Variants in RBM33 observed in about 807,000 individuals in gnomAD.
RBM33 encodes the protein RNA binding motif protein 33.
A neutral mutation model predicts 132.6 loss-of-function variants in RBM33; 28 were observed. The ratio of observed to expected loss-of-function variants is 0.21; its 90% CI spans 0.16 to 0.29. RBM33 has a LOEUF of 0.29. Ranked by LOEUF, RBM33 falls within the 10% of genes least tolerant of loss-of-function variation. The pLI is 1.00. For synonymous variants in RBM33, 634 were observed against 593.0 expected (o/e 1.07, Z -1.01); for missense variants, 1,291 against 1,518.5 (o/e 0.85, Z 2.49).
chr7:155,752,204 C>T (rs1801706773), intron 14 of RBM33, among the ~76,000 whole-genome samples: 1 of 152,194 alleles, frequency 6.6e-6, no homozygotes, highest in South Asian at 2.1e-4. Flanking sequence ...TGGAATTGGT[C>T]CTGCTTCTTG....
chr7:155,715,143 A>C (rs991982592), intron 8 of RBM33, among the ~76,000 whole-genome samples: 9 of 152,082 alleles, frequency 5.9e-5, no homozygotes, highest in African/African-American at 2.2e-4. Flanking sequence ...TGTGGTGCCT[A>C]CGTCTCCTGC....
At position 155,774,134 on chromosome 7, in the gene RBM33, A is replaced by G. The variant is rs1051431919; in HGVS notation, c.3376-425A>G. ...GCCTACTGTGGGCTGTGGGGCCCCC[A>G]TACTAAACAGTTTCCTCTGGTGTGA... On this transcript the variant is annotated intron_variant, in intron 16 of 17. Transcript: ENST00000401878. The surrounding 1 kb of genome is among the most constrained non-coding windows in gnomAD (Gnocchi z 4.2). Among the ~76,000 whole-genome samples, 12 of 152,228 alleles carry G rather than the reference A, an allele frequency of 7.9e-5. No individual in the cohort carries two copies. The highest frequency in any genetic ancestry group is 1.6e-4 in the Non-Finnish European group (11 of 68,030).
chr7:155,724,017 A>G (rs1008071079), intron 9 of RBM33, among the ~76,000 whole-genome samples: 1 of 152,214 alleles, frequency 6.6e-6, no homozygotes, highest in Non-Finnish European at 1.5e-5. Flanking sequence ...TAGTTTGCCC[A>G]TCTGCAACTG....
chr7:155,684,142 G>T (rs11769822), intron 5 of RBM33, among the ~76,000 whole-genome samples: 97,916 of 151,936 alleles, frequency 0.64, 32,456 homozygotes, highest in South Asian at 0.77. Context: ...CTTTATTTGG[G>T]GGTTCTAGAT....
Position 155,673,818 on chromosome 7 carries a change from C to T in RBM33, c.171+903C>T, listed in dbSNP as rs532271699. Among the ~76,000 whole-genome samples the T allele has an allele frequency of 6.9e-4, 101 of 147,308 alleles. 1 individual carries two copies. The highest frequency in any genetic ancestry group is 3.6e-3 in the Middle Eastern group (1 of 276). On this transcript the variant is annotated intron_variant, in intron 3 of 17. Coordinates refer to ENST00000401878, the MANE Select transcript of RBM33 (RefSeq NM_053043.3). ...CACACACACCCCTACCAGTATATTT[C>T]GGACATTATAAAACACATAAAAGTA...
At chr7:155,689,429 G>A (rs1799570106) in intron 5 of RBM33, among the ~76,000 whole-genome samples, 1 of 152,026 alleles carries the variant, frequency 6.6e-6, no homozygotes, top group Non-Finnish European at 1.5e-5. Flanking sequence ...ACCAGCTCCT[G>A]GATTCATTGA....
chr7:155,655,706 A>C (rs1798475200), intron 1 of RBM33, among the ~76,000 whole-genome samples: 1 of 151,948 alleles, frequency 6.6e-6, no homozygotes, highest in Non-Finnish European at 1.5e-5. Context: ...ACAAGTAGGG[A>C]GCATATGCAT....
chr7:155,768,754 C>T (rs1802307995), intron 16 of RBM33, among the ~76,000 whole-genome samples: 1 of 152,186 alleles, frequency 6.6e-6, no homozygotes, highest in Non-Finnish European at 1.5e-5. Context: ...GTAGCTGGGA[C>T]TACAGACGCG....
chr7:155,739,694 C>A, intron 11 of RBM33, 21 bp from the exon 12 acceptor site: 1 of 1,530,964 alleles, frequency 6.5e-7, no homozygotes, highest in Non-Finnish European at 8.8e-7. Context: ...ACTGTTGTTT[C>A]TCTTTCTTTG....
intron 5 of RBM33, among the ~76,000 whole-genome samples, chr7:155,687,617 A>G (rs914610617): frequency 5.3e-5 from 8 of 152,132 alleles, no homozygotes; most frequent in African/African-American, 2.4e-5. Context: ...TAGGTCTAAC[A>G]TGTAAGTCTT....
intron 14 of RBM33, among the ~76,000 whole-genome samples, chr7:155,749,259 T>A (rs1317960489): frequency 6.6e-6 from 1 of 152,222 alleles, no homozygotes; most frequent in African/African-American, 2.4e-5. Flanking sequence ...AGGCCCCTTT[T>A]AGAAATAAAT....
intron 14 of RBM33, chr7:155,746,356 T>C (rs1233767098): frequency 6.6e-6 from 1 of 152,006 alleles, no homozygotes; most frequent in African/African-American, 2.4e-5. Context: ...TTTTCTGTTT[T>C]CAGTTTGCCC....
In RBM33 at chr7:155,682,290, G is replaced by A. The variant is rs532115783; in HGVS notation, c.567+1382G>A. On this transcript the variant is annotated intron_variant, in intron 5 of 17. Transcript: ENST00000401878. ...TTTGGTAGATACAGTAATGAGAGAT[G>A]TTTGTAGTTTTGGTAAATAGAATCA... 9.2e-5 allele frequency among the ~76,000 whole-genome samples: 14 copies of A among 152,296 alleles called. No individual in the cohort carries two copies. The South Asian group carries it at 2.9e-3, about 32-fold the overall frequency.
Position 155,736,853 on chromosome 7 carries a change from A to G in RBM33, c.1261-677A>G, listed in dbSNP as rs182135694. 7.9e-5 allele frequency among the ~76,000 whole-genome samples: 12 copies of G among 152,350 alleles called. No homozygotes were observed. In the East Asian group the frequency reaches 1.5e-3, roughly 20 times the overall value. On this transcript the variant is annotated intron_variant, in intron 9 of 17. Transcript: ENST00000401878. ...TAGGCCAATAATTGCATGGATTTCA[A>G]TAAGCTTAAAAATAATATTCTTGCG...
chr7:155,764,044 C>G, intron 15 of RBM33, 26 bp downstream of exon 15: 1 of 1,485,156 alleles, frequency 6.7e-7, no homozygotes, highest in Non-Finnish European at 9.0e-7. Context: ...TCGCACGCAG[C>G]CCTGGAAACG....
chr7:155,755,628 AG>A (rs1394226180), intron 14 of RBM33, among the ~76,000 whole-genome samples: 1 of 152,324 alleles, frequency 6.6e-6, no homozygotes, highest in East Asian at 1.9e-4. Context: ...ATTTCTATAG[AG>A]GGGGTTAATC....
chr7:155,664,345 C>T (rs561935711), intron 1 of RBM33, among the ~76,000 whole-genome samples: 9 of 151,868 alleles, frequency 5.9e-5, no homozygotes, highest in East Asian at 1.9e-4. Flanking sequence ...TTTTGCCTCC[C>T]GGTTCAAGCG....
chr7:155,775,176 G>T lies in RBM33; in HGVS notation c.*135G>T, dbSNP rs766679647. On this transcript the variant is annotated 3_prime_UTR_variant, in exon 18 of 18. Transcript: ENST00000401878. Reference sequence around the variant, plus strand: ...GTCCTGCGTAACTGTTCTCCAGAGCGCCAGCCAGCCACGGGCCTGATTCCA... The same window carrying T: ...GTCCTGCGTAACTGTTCTCCAGAGCTCCAGCCAGCCACGGGCCTGATTCCA... 8.8e-6 allele frequency: 7 copies of T among 799,598 alleles called. No individual in the cohort carries two copies. The highest frequency in any genetic ancestry group is 1.7e-5 in the African/African-American group (1 of 58,994). 49.5% of individuals were successfully genotyped at this position (799,598 alleles called of 1,614,324 possible).
chr7:155,699,326 G>A (rs533689459), intron 5 of RBM33, among the ~76,000 whole-genome samples: 3 of 152,234 alleles, frequency 2.0e-5, no homozygotes, highest in South Asian at 2.1e-4. Context: ...ATCCTGAATC[G>A]GCTGAGTCAG....
Sources: allele counts gnomAD v4.1 joint callset (sites outside exome capture counted in the v4.1 genomes callset), GRCh38; gene constraint gnomAD v4.1.1; non-coding constraint Gnocchi (gnomAD v3.1); transcripts MANE v1.5; gene names NCBI Gene and HGNC (gene_info 2026-07-23, HGNC 2026-07-21).